MCF2L: variants seen among roughly 807,000 people sequenced by gnomAD.
MCF2L encodes guanine nucleotide exchange factor DBS.
In MCF2L, 97 loss-of-function variants were observed where a neutral mutation model predicts 153.4. That is an observed-to-expected ratio of 0.63 (90% CI 0.54 to 0.75). The LOEUF is 0.75. Ranked by LOEUF, MCF2L falls within the 30% of genes least tolerant of loss-of-function variation. The pLI, the probability that MCF2L is intolerant of heterozygous loss-of-function variation, is 0.00. For missense variants in MCF2L, 1,347 were observed against 1,495.2 expected, an observed-to-expected ratio of 0.90 and a Z score of 1.64; for synonymous variants, 659 against 632.2, an observed-to-expected ratio of 1.04 and a Z score of -0.64.
chr13:112,939,008 C>CAAGAGG (rs2081549696), intron 2 of MCF2L, among the ~76,000 whole-genome samples: 1 of 152,140 alleles, frequency 6.6e-6, no homozygotes, highest in African/African-American at 2.4e-5. Context: ...GTCCCTCTTG[C>CAAGAGG]ACGAGGACAG....
intron 2 of MCF2L, among the ~76,000 whole-genome samples, chr13:112,918,648 T>C (rs146902331): frequency 8.5e-4 from 130 of 152,318 alleles, no homozygotes; most frequent in African/African-American, 2.9e-3. Context: ...GGGGCAGAGC[T>C]GGTGTCTGTC....
chr13:113,019,801 A>G (rs2084763174), intron 2 of MCF2L, among the ~76,000 whole-genome samples: 1 of 152,178 alleles, frequency 6.6e-6, no homozygotes, highest in African/African-American at 2.4e-5. Flanking sequence ...GGGGCTGAAG[A>G]GACCAGATCT....
chr13:112,968,486 G>A (rs766423560), upstream of MCF2L: 1 of 1,587,582 alleles, frequency 6.3e-7, no homozygotes, highest in Non-Finnish European at 8.5e-7. Context: ...GGAGAGCCCC[G>A]TGCCTGCAGC....
At chr13:113,058,950 G>T (rs2030868169) in intron 4 of MCF2L, among the ~76,000 whole-genome samples, 1 of 142,556 alleles carries the variant, frequency 7.0e-6, no homozygotes, top group South Asian at 2.3e-4. Context: ...GCACTGTTTG[G>T]GTGCTGAGTG....
chr13:112,982,048 C>T (rs1486810417), intron 1 of MCF2L, among the ~76,000 whole-genome samples: 2 of 152,130 alleles, frequency 1.3e-5, no homozygotes, highest in South Asian at 2.1e-4. Flanking sequence ...AAACTAGGCC[C>T]GGAGTGCAGC....
chr13:112,954,407 C>T (rs909461988), intron 2 of MCF2L, among the ~76,000 whole-genome samples: 1 of 152,224 alleles, frequency 6.6e-6, no homozygotes, highest in African/African-American at 2.4e-5. Flanking sequence ...CTTCTGCCAG[C>T]TGCATCCTGA....
In MCF2L at chr13:113,000,695, A is replaced by G. The variant is rs9577418; in HGVS notation, c.80-14068A>G. Among the ~76,000 whole-genome samples the G allele has an allele frequency of 4.6e-3, 697 of 152,236 alleles. 23 individuals carry two copies. The East Asian group carries it at 0.094, about 21-fold the overall frequency. ...AGGTGTCTGGCATTTGGGGTCAGCC[A>G]CCCCCAGAAGCCGGTGTTCCCAGCG... On this transcript the variant is annotated intron_variant, in intron 1 of 29. Coordinates refer to ENST00000535094, the MANE Select transcript of MCF2L (RefSeq NM_001112732.3).
Position 112,907,585 on chromosome 13 carries a change from A to G in MCF2L, c.169+5214A>G, listed in dbSNP as rs1331246034. ...GACGGGGGAAGATGTGTTTCTTCAC[A>G]TCTTCAGGCTCCTTCTGTGGTTGGG... On this transcript the variant is annotated intron_variant, in intron 2 of 29. Transcript: ENST00000375608. The surrounding 1 kb of genome is among the most constrained non-coding windows in gnomAD (Gnocchi z 5.1). Among the ~76,000 whole-genome samples, 1 of 152,190 alleles carries G rather than the reference A, an allele frequency of 6.6e-6. No individual in the cohort carries two copies. The highest frequency in any genetic ancestry group is 6.5e-5 in the Admixed American group (1 of 15,276).
chr13:112,900,795 T>C (rs1285414218), intron 1 of MCF2L, among the ~76,000 whole-genome samples: 1 of 152,022 alleles, frequency 6.6e-6, no homozygotes, highest in East Asian at 1.9e-4. Context: ...GGGCAGTGGT[T>C]CTCGGGACGG....
chr13:113,021,560 G>A (rs568329107), intron 2 of MCF2L, among the ~76,000 whole-genome samples: 3 of 152,256 alleles, frequency 2.0e-5, no homozygotes, highest in South Asian at 2.1e-4. Flanking sequence ...GAGGAGCTTC[G>A]GAGCCCTCTG....
chr13:112,971,527 G>C (rs920768009), intron 1 of MCF2L, among the ~76,000 whole-genome samples: 1 of 152,176 alleles, frequency 6.6e-6, no homozygotes, highest in Non-Finnish European at 1.5e-5. Flanking sequence ...TTCACCCTCT[G>C]TAGATTCACC....
rs563924916 is a variant in MCF2L, at chr13:113,046,818, G to A, written c.369+1457G>A. The A allele has an allele frequency of 2.8e-4, 103 of 372,356 alleles. 1 individual carries two copies. Among genetic ancestry groups the A allele is most frequent in the South Asian group, 2.1e-3 (100 of 47,318 alleles). 23.1% of individuals were successfully genotyped at this position (372,356 alleles called of 1,614,324 possible). A position where few individuals can be genotyped will look rare whatever the true frequency, so the allele number is the denominator to read the frequency against. ...ATCGTTATCTGAAATAATTCAAAAC[G>A]CTTCAGGATGCTTCCAAAAAAGTAG... On this transcript the variant is annotated intron_variant, in intron 4 of 29. Transcript: ENST00000535094. The surrounding 1 kb of genome is among the most constrained non-coding windows in gnomAD (Gnocchi z 4.4).
At chr13:113,026,820 G>C in intron 3 of MCF2L, 1 of 638,790 alleles carries the variant, frequency 1.6e-6, no homozygotes, top group Non-Finnish European at 2.8e-6. Context: ...GACAGAGCTG[G>C]GTCCCTGTCC....
chr13:113,088,987 G>A (rs369339077), intron 25 of MCF2L, among the ~76,000 whole-genome samples: 25 of 152,336 alleles, frequency 1.6e-4, no homozygotes, highest in African/African-American at 5.3e-4. Flanking sequence ...TTCAGACTCC[G>A]ACCCTGACCG....
chr13:112,993,895 G>A lies in MCF2L; in HGVS notation c.80-20868G>A, dbSNP rs557744645. Among the ~76,000 whole-genome samples the A allele has an allele frequency of 2.0e-5, 3 of 146,348 alleles. No homozygotes were observed. The highest frequency in any genetic ancestry group is 7.5e-5 in the African/African-American group (3 of 39,756). On this transcript the variant is annotated intron_variant, in intron 1 of 29. Transcript: ENST00000535094. The surrounding 1 kb of genome is among the most constrained non-coding windows in gnomAD (Gnocchi z 4.6). Reference sequence around the variant, plus strand: ...TTTCCCCTCCCTTAGATCGGAAGGCGAAGAAGGTGAGATCCACAGCTCGAT... The same window carrying A: ...TTTCCCCTCCCTTAGATCGGAAGGCAAAGAAGGTGAGATCCACAGCTCGAT...
At position 112,932,686 on chromosome 13, in the gene MCF2L, C is replaced by A. The variant is rs1183956336; in HGVS notation, c.169+30315C>A. 6.6e-6 allele frequency among the ~76,000 whole-genome samples: 1 copy of A among 152,158 alleles called. No homozygotes were observed. The highest frequency in any genetic ancestry group is 1.5e-5 in the Non-Finnish European group (1 of 68,026). ...TAAAAAAGAAGCATCTCAGTACCGTCAGTGGGCCTGTGTGGCCCCTCATAG... is the reference window on the plus strand; with the variant it reads ...TAAAAAAGAAGCATCTCAGTACCGTAAGTGGGCCTGTGTGGCCCCTCATAG... On this transcript the variant is annotated intron_variant, in intron 2 of 29. Transcript: ENST00000375608. This position sits in a 1 kb window ranked among gnomAD's most constrained non-coding sequence, Gnocchi z 4.6.
At position 113,025,358 on chromosome 13, in the gene MCF2L, C is replaced by T. The variant is rs2085185229; in HGVS notation, c.278+600C>T. On this transcript the variant is annotated intron_variant, in intron 3 of 29. Coordinates refer to ENST00000535094, the MANE Select transcript of MCF2L (RefSeq NM_001112732.3). ...TCGGGGCAGAGTCTCTGTGAGGTTTCGTCATGGTGGGGTCCCCGTGACTGT... is the reference window on the plus strand; with the variant it reads ...TCGGGGCAGAGTCTCTGTGAGGTTTTGTCATGGTGGGGTCCCCGTGACTGT... Among the ~76,000 whole-genome samples the T allele has an allele frequency of 3.0e-5, 2 of 66,526 alleles. 1 individual carries two copies. Among genetic ancestry groups the T allele is most frequent in the Non-Finnish European group, 5.9e-5 (2 of 34,160 alleles). 43.6% of individuals were successfully genotyped at this position (66,526 alleles called of 152,430 possible).
rs1430985785 is a variant in MCF2L at position 113,011,635 on chromosome 13, G to A, written c.80-3128G>A. On this transcript the variant is annotated intron_variant, in intron 1 of 29. Coordinates refer to ENST00000535094, the MANE Select transcript of MCF2L (RefSeq NM_001112732.3). ...TGGATGGTGGACAGGTGGTGTGGAC[G>A]GTGGACAGGCAGTGTGGACGGTGGA... Among the ~76,000 whole-genome samples the A allele has an allele frequency of 4.5e-5, 5 of 110,298 alleles. No individual in the cohort carries two copies. In the East Asian group the frequency reaches 7.7e-4, roughly 17 times the overall value. 72.4% of individuals were successfully genotyped at this position (110,298 alleles called of 152,430 possible). A position where few individuals can be genotyped will look rare whatever the true frequency, so the allele number is the denominator to read the frequency against.
At chr13:113,025,203 G>GTCA (rs2085166989) in intron 3 of MCF2L, among the ~76,000 whole-genome samples, 1 of 107,292 alleles carries the variant, frequency 9.3e-6, no homozygotes, top group African/African-American at 3.6e-5. Context: ...TTTCCCCATT[G>GTCA]TGGGGTCCCC....
Sources: gnomAD v4.1 joint callset for allele counts (sites outside exome capture counted in the v4.1 genomes callset) on GRCh38, gnomAD v4.1.1 for gene constraint, Gnocchi (gnomAD v3.1) non-coding constraint, MANE v1.5 for transcripts, NCBI Gene and HGNC (gene_info 2026-07-23, HGNC 2026-07-21) for gene names.